Variants in CPSF2 observed in about 807,000 individuals in gnomAD.
CPSF2 encodes the protein cleavage and polyadenylation specificity factor subunit 2.
CPSF2 carries 51 observed loss-of-function variants against 84.2 expected under a neutral mutation model. The observed-to-expected ratio is 0.61, with a 90% CI of 0.48 to 0.77. The LOEUF is 0.77. Ranked by LOEUF, CPSF2 falls within the 30% of genes least tolerant of loss-of-function variation. CPSF2 has a pLI of 0.00. For synonymous variants in CPSF2, 286 were observed against 311.9 expected (o/e 0.92, Z 0.87); for missense variants, 641 against 929.4 (o/e 0.69, Z 4.03).
rs574842562 is a variant in CPSF2 at position 92,137,626 on chromosome 14, G to T, written c.546-606G>T. ...CTGGAAAGCCTTTTAGCAGTACTATGTATTAACAGTAAATACATTTTTAGG... is the reference window on the plus strand; with the variant it reads ...CTGGAAAGCCTTTTAGCAGTACTATTTATTAACAGTAAATACATTTTTAGG... On this transcript the variant is annotated intron_variant, in intron 6 of 15. Transcript: ENST00000298875. Among the ~76,000 whole-genome samples, 6 of 152,296 alleles carry T rather than the reference G, an allele frequency of 3.9e-5. No individual in the cohort carries two copies. In the South Asian group the frequency reaches 1.0e-3, roughly 26 times the overall value.
intron 15 of CPSF2, 98 bp from the exon 16 acceptor site, chr14:92,161,554 C>A: frequency 1.2e-6 from 1 of 809,544 alleles, no homozygotes; most frequent in Non-Finnish European, 1.9e-6. Flanking sequence ...CATGTCCTGA[C>A]CAATCATAAA....
At chr14:92,143,932 G>A (rs922596662) in intron 9 of CPSF2, among the ~76,000 whole-genome samples, 10 of 152,124 alleles carry the variant, frequency 6.6e-5, no homozygotes, top group Admixed American at 3.3e-4. Flanking sequence ...TTCCTTTCCT[G>A]TCTCTTGCTT....
chr14:92,138,150 C>A, intron 6 of CPSF2, 82 bp from the exon 7 acceptor site: 1 of 594,650 alleles, frequency 1.7e-6, no homozygotes, highest in Non-Finnish European at 2.8e-6. Flanking sequence ...ATAAATGAAG[C>A]TGCTTATTTT....
intron 9 of CPSF2, among the ~76,000 whole-genome samples, chr14:92,149,149 G>C (rs1052845382): frequency 2.0e-5 from 3 of 152,104 alleles, no homozygotes; most frequent in African/African-American, 7.2e-5. Context: ...CCTTTTCACT[G>C]TGCCTACATT....
chr14:92,142,088 G>T, intron 7 of CPSF2, 76 bp from the exon 8 acceptor site: 1 of 1,119,050 alleles, frequency 8.9e-7, no homozygotes, highest in African/African-American at 1.6e-5. Context: ...AATAAAAACA[G>T]GGAGATAAAA....
chr14:92,133,601 G>A (rs1003699420), intron 3 of CPSF2, among the ~76,000 whole-genome samples: 4 of 151,552 alleles, frequency 2.6e-5, no homozygotes, highest in Non-Finnish European at 4.4e-5. Flanking sequence ...TGGGACTACA[G>A]GCTCATGCCA....
rs1238477357 is a variant in CPSF2, at chr14:92,143,161, G to C, written c.1007G>C (p.Gly336Ala). Residue 336 changes from glycine to alanine, a missense_variant, in exon 9 of 16, where the codon GGA becomes GCA. This residue lies in a region of CPSF2 where 430 missense variants were observed against 553.6 expected (regional missense o/e 0.78). Transcript: ENST00000298875. ...GCCAGCCAACCTGACCTGGAATGCG[G>C]ATTTTCAAGGGATCTCTTTATTCAG... ...VLASQPDLEC[G>A]FSRDLFIQWC... The C allele has an allele frequency of 6.2e-7, 1 of 1,614,004 alleles. No homozygotes were observed. The highest frequency in any genetic ancestry group is 8.5e-7 in the Non-Finnish European group (1 of 1,180,046).
In CPSF2 at chr14:92,143,130, G is replaced by A. The variant is rs745631026; in HGVS notation, c.976G>A (p.Val326Ile). 2.5e-6 allele frequency: 4 copies of A among 1,613,884 alleles called. No individual in the cohort carries two copies. Among genetic ancestry groups the A allele is most frequent in the Non-Finnish European group, 3.4e-6 (4 of 1,180,018 alleles). ...DLARVPSPKV[V>I]LASQPDLECG... is the part of the protein sequence containing the mutation. The stretch of plus-strand genomic sequence containing the variant: ...GGCCCGTGTACCTAGCCCTAAAGTT[G>A]TACTTGCCAGCCAACCTGACCTGGA... Residue 326 changes from valine to isoleucine, a missense_variant, in exon 9 of 16, where the codon GTA (valine) becomes ATA (isoleucine). Val to Ile is a conservative substitution (Grantham distance 29, BLOSUM62 3). Coordinates refer to ENST00000298875, the MANE Select transcript of CPSF2 (RefSeq NM_017437.3).
At position 92,142,160 on chromosome 14, in the gene CPSF2, C is replaced by T; in HGVS notation, c.662-4C>T. 6.3e-7 allele frequency: 1 copy of T among 1,584,488 alleles called. No homozygotes were observed. Among genetic ancestry groups the T allele is most frequent in the Admixed American group, 1.8e-5 (1 of 56,448 alleles). ...TATGGGGATTTTACATTCTTGTTTT[C>T]TAGCAAATGTCCTGGAAACACTTCG... On this transcript the variant is annotated splice_polypyrimidine_tract_variant and splice_region_variant and intron_variant, in intron 7 of 15. Coordinates refer to ENST00000298875, the MANE Select transcript of CPSF2 (RefSeq NM_017437.3).
At chr14:92,131,282 A>G in intron 3 of CPSF2, 149 bp downstream of exon 3, 1 of 566,806 alleles carries the variant, frequency 1.8e-6, no homozygotes, top group Non-Finnish European at 2.9e-6. Flanking sequence ...CTATAGTGAC[A>G]TTTTAACTTG....
intron 9 of CPSF2, among the ~76,000 whole-genome samples, chr14:92,150,342 G>A (rs1488894197): frequency 1.3e-5 from 2 of 151,472 alleles, no homozygotes; most frequent in South Asian, 2.1e-4. Flanking sequence ...GGCTGGTCTC[G>A]AACTCCTGAC....
chr14:92,133,865 TTC>T (rs1237597174), intron 3 of CPSF2, 144 bp from the exon 4 acceptor site: 7 of 758,474 alleles, frequency 9.2e-6, no homozygotes, highest in Non-Finnish European at 1.3e-5. Flanking sequence ...ATAATTGAAA[TTC>T]ATAGGTAATC....
chr14:92,130,978 A>C lies in CPSF2; in HGVS notation c.-7A>C. ...TCTTCTAGCTTGCTGTTTCTGGACC[A>C]AAAAAAATGACGTCTATTATCAAAT... On this transcript the variant is annotated 5_prime_UTR_variant, in exon 3 of 16. Transcript: ENST00000298875. 1 of 1,565,668 alleles carries C rather than the reference A, an allele frequency of 6.4e-7. No homozygotes were observed. Among genetic ancestry groups the C allele is most frequent in the Non-Finnish European group, 8.7e-7 (1 of 1,150,710 alleles).
intron 9 of CPSF2, among the ~76,000 whole-genome samples, chr14:92,152,657 T>TCGGAC (rs1025236787): frequency 6.6e-6 from 1 of 151,976 alleles, no homozygotes; most frequent in African/African-American, 2.4e-5. Flanking sequence ...CAGGCTGGTC[T>TCGGAC]CGGACTCCTG....
chr14:92,153,929 A>G (rs1427783335), intron 9 of CPSF2: 2 of 150,802 alleles, frequency 1.3e-5, no homozygotes, highest in Admixed American at 1.3e-4. Context: ...GCTAGTCTCA[A>G]ACTCAAGTGA....
intron 3 of CPSF2, 41 bp from the exon 4 acceptor site, chr14:92,133,970 A>C (rs1221335278): frequency 1.2e-6 from 2 of 1,605,536 alleles, no homozygotes; most frequent in East Asian, 4.5e-5. Flanking sequence ...TTTACCCTTA[A>C]AAAGATTCAA....
intron 9 of CPSF2, among the ~76,000 whole-genome samples, chr14:92,152,992 T>C (rs1226247986): frequency 8.5e-6 from 1 of 117,944 alleles, no homozygotes; most frequent in Non-Finnish European, 1.7e-5. Flanking sequence ...ACGAATGTAC[T>C]TTTTTTTTAC....
rs780628882 is a variant in CPSF2, at chr14:92,161,141, T to C, written c.2151T>C (p.Asn717=). 1.2e-6 allele frequency: 2 copies of C among 1,613,820 alleles called. No individual in the cohort carries two copies. Among genetic ancestry groups the C allele is most frequent in the Middle Eastern group, 1.6e-4 (1 of 6,062 alleles). Residue 717 remains asparagine (N), a synonymous_variant, in exon 15 of 16, where the codon AAT becomes AAC. Coordinates refer to ENST00000298875, the MANE Select transcript of CPSF2 (RefSeq NM_017437.3). ...CTGGACATCAGTCAGTTTTTATGAA[T>C]GAACCAAGGCTGTCAGACTTCAAGC... ...EVPGHQSVFM[N]EPRLSDFKQV... is the part of the protein sequence containing the mutation.
intron 3 of CPSF2, 48 bp downstream of exon 3, chr14:92,131,181 TTTCTG>T (rs1220713260): frequency 1.1e-5 from 16 of 1,458,316 alleles, no homozygotes; most frequent in Non-Finnish European, 1.5e-5. Flanking sequence ...CAACTTCTCT[TTTCTG>T]TACTGTAATA....
Sources: allele counts gnomAD v4.1 joint callset (sites outside exome capture counted in the v4.1 genomes callset), GRCh38; gene constraint gnomAD v4.1.1; regional missense constraint gnomAD v4.1.1; transcripts MANE v1.5; gene names NCBI Gene and HGNC (gene_info 2026-07-23, HGNC 2026-07-21).